Variants in PMFBP1 observed in about 807,000 individuals in gnomAD.
The protein encoded by PMFBP1 is polyamine modulated factor 1 binding protein 1.
PMFBP1 carries 131 observed loss-of-function variants against 137.8 expected under a neutral mutation model. That is an observed-to-expected ratio of 0.95 (90% CI 0.82 to 1.10). The LOEUF is 1.10. PMFBP1 is among the 50% of genes least tolerant of loss of function. The probability of loss-of-function intolerance (pLI) is 0.00; values close to 1 mark genes in which losing one functional copy is unlikely to be tolerated. For missense variants in PMFBP1, 1,199 were observed against 1,175.4 expected, an observed-to-expected ratio of 1.02 and a Z score of -0.29; for synonymous variants, 490 against 450.4, an observed-to-expected ratio of 1.09 and a Z score of -1.11.
chr16:72,123,139 T>C, intron 18 of PMFBP1, 151 bp from the exon 19 acceptor site: 1 of 670,992 alleles, frequency 1.5e-6, no homozygotes, highest in South Asian at 1.9e-5. Context: ...AGCTAAGGCC[T>C]TCCTAGCACC....
chr16:72,131,621 A>G (rs543833765), intron 10 of PMFBP1, among the ~76,000 whole-genome samples: 1 of 152,212 alleles, frequency 6.6e-6, no homozygotes, highest in East Asian at 1.9e-4. Context: ...AGGGGAGGAG[A>G]GTCTCTAGAT....
chr16:72,162,828 T>G (rs190016384), intron 3 of PMFBP1, among the ~76,000 whole-genome samples: 1 of 152,328 alleles, frequency 6.6e-6, no homozygotes, highest in East Asian at 1.9e-4. Flanking sequence ...AGTAAACTCA[T>G]GACAGCAATG....
chr16:72,209,514 A>G, the PMFBP1 span, among the ~76,000 whole-genome samples: 11 of 152,050 alleles, frequency 7.2e-5, no homozygotes, highest in African/African-American at 2.7e-4. Flanking sequence ...TACTATCTGT[A>G]TATATGTATA....
In PMFBP1 at chr16:72,122,993, A is replaced by G. The variant is rs1472106612; in HGVS notation, c.2694-5T>C. On this transcript the variant is annotated splice_polypyrimidine_tract_variant and splice_region_variant and intron_variant, in intron 18 of 20. Transcript: ENST00000237353. Reference sequence around the variant, plus strand: ...CCTAGTTTCTCATTGGCGACCCTGTAATAAAATCACAGGAGAAAACAGCAG... The same window carrying G: ...CCTAGTTTCTCATTGGCGACCCTGTGATAAAATCACAGGAGAAAACAGCAG... 3 of 1,611,570 alleles carry G rather than the reference A, an allele frequency of 1.9e-6. No homozygotes were observed. The highest frequency in any genetic ancestry group is 2.5e-6 in the Non-Finnish European group (3 of 1,179,288).
chr16:72,243,154 G>C, the PMFBP1 span, among the ~76,000 whole-genome samples: 2 of 152,348 alleles, frequency 1.3e-5, no homozygotes, highest in South Asian at 2.1e-4. Flanking sequence ...GGCAGGCTTT[G>C]AATTGTGTAC....
intron 5 of PMFBP1, 71 bp downstream of exon 5, chr16:72,150,537 G>T: frequency 5.5e-6 from 8 of 1,454,832 alleles, no homozygotes; most frequent in Non-Finnish European, 7.7e-6. Context: ...GGAGGAGGCT[G>T]GGACTGTCTG....
chr16:72,128,506 G>A, intron 14 of PMFBP1, 151 bp downstream of exon 14: 2 of 1,553,852 alleles, frequency 1.3e-6, no homozygotes, highest in South Asian at 1.2e-5. Context: ...AGGTGCCAAT[G>A]GGGAGGGAAG....
Position 72,150,651 on chromosome 16 carries a change from T to C in PMFBP1, c.593A>G (p.Gln198Arg), listed in dbSNP as rs1224256568. ...GAGTTCCCCCTGCAACATCTTCACT[T>C]GGCATTCTAGTAACTCGATGTTGCT... ...SLSNIELLEC[Q>R]VKMLQGELGG... The change falls in exon 5 of 21, where the codon CAA becomes CGA. Residue 198 changes from glutamine to arginine, a missense_variant. Coordinates refer to ENST00000237353, the MANE Select transcript of PMFBP1 (RefSeq NM_031293.3). 1 of 1,613,986 alleles carries C rather than the reference T, an allele frequency of 6.2e-7. No individual in the cohort carries two copies. The highest frequency in any genetic ancestry group is 8.5e-7 in the Non-Finnish European group (1 of 1,180,024).
chr16:72,205,857 G>A, the PMFBP1 span, among the ~76,000 whole-genome samples: 1 of 152,170 alleles, frequency 6.6e-6, no homozygotes, highest in African/African-American at 2.4e-5. Flanking sequence ...AAGCAGGTAC[G>A]TTCTAGAAGC....
At chr16:72,196,141 C>A in the PMFBP1 span, among the ~76,000 whole-genome samples, 1 of 152,112 alleles carries the variant, frequency 6.6e-6, no homozygotes, top group Admixed American at 6.5e-5. Flanking sequence ...CCTGAGTCCA[C>A]CTTACATGAA....
chr16:72,155,761 T>C (rs976883387), intron 3 of PMFBP1, among the ~76,000 whole-genome samples: 1 of 152,170 alleles, frequency 6.6e-6, no homozygotes, highest in African/African-American at 2.4e-5. Context: ...ACTCAGTGAC[T>C]TGTAATAAAC....
At chr16:72,141,764 A>G (rs1432576434) in intron 5 of PMFBP1, among the ~76,000 whole-genome samples, 8 of 151,690 alleles carry the variant, frequency 5.3e-5, no homozygotes, top group Non-Finnish European at 1.0e-4. Flanking sequence ...TTGAGTATTT[A>G]TTCTGGTAAT....
At chr16:72,153,136 G>A (rs1405368692) in intron 4 of PMFBP1, among the ~76,000 whole-genome samples, 1 of 152,210 alleles carries the variant, frequency 6.6e-6, no homozygotes, top group Non-Finnish European at 1.5e-5. Context: ...TTAAGTTGTA[G>A]TGAACCACTA....
At chr16:72,234,620 T>C in the PMFBP1 span, among the ~76,000 whole-genome samples, 1 of 152,198 alleles carries the variant, frequency 6.6e-6, no homozygotes, top group African/African-American at 2.4e-5. Context: ...CAGTGTCACA[T>C]GGGGCTGTCT....
chr16:72,171,126 C>T (rs189048532), intron 2 of PMFBP1, 71 bp downstream of exon 2: 13 of 1,526,848 alleles, frequency 8.5e-6, no homozygotes, highest in Non-Finnish European at 1.1e-5. Context: ...AATTTTGAAT[C>T]ATAAAACATG....
At chr16:72,119,045 G>C (rs2042338183), downstream of PMFBP1, 1 of 351,964 alleles carries the variant, frequency 2.8e-6, no homozygotes, top group Non-Finnish European at 5.1e-6. Context: ...ATGTTGCTGG[G>C]GGATTGCGGG....
At chr16:72,122,861 GA>G in intron 19 of PMFBP1, 52 bp downstream of exon 19, 4 of 1,545,194 alleles carry the variant, frequency 2.6e-6, no homozygotes, top group Non-Finnish European at 3.6e-6. Context: ...GCTCCCTGCT[GA>G]CCCTTCTTGT....
rs1269688305 is a variant in PMFBP1 at position 72,120,093 on chromosome 16, T to C, written c.2769-4A>G. 6.2e-7 allele frequency: 1 copy of C among 1,614,142 alleles called. No individual in the cohort carries two copies. The highest frequency in any genetic ancestry group is 2.2e-5 in the East Asian group (1 of 44,876). On this transcript the variant is annotated splice_region_variant and splice_polypyrimidine_tract_variant and intron_variant, in intron 19 of 20. Transcript: ENST00000237353. ...GACCATTACACTGTGGAGGTGGCTGTGGGAAGGAGAGGAAGGACGGGTTGT... is the reference window on the plus strand; with the variant it reads ...GACCATTACACTGTGGAGGTGGCTGCGGGAAGGAGAGGAAGGACGGGTTGT...
the PMFBP1 span, among the ~76,000 whole-genome samples, chr16:72,249,056 T>C: frequency 6.6e-6 from 1 of 152,030 alleles, no homozygotes; most frequent in Non-Finnish European, 1.5e-5. Context: ...TTTTTGGTTG[T>C]AAGCGATCAA....
Sources: gnomAD v4.1 joint callset for allele counts (sites outside exome capture counted in the v4.1 genomes callset) on GRCh38, gnomAD v4.1.1 for gene constraint, MANE v1.5 for transcripts, NCBI Gene and HGNC (gene_info 2026-07-23, HGNC 2026-07-21) for gene names.